LRRC4C: variants seen among roughly 807,000 people sequenced by gnomAD.
The protein encoded by LRRC4C is leucine-rich repeat-containing protein 4C.
In LRRC4C, 5 loss-of-function variants were observed where a neutral mutation model predicts 33.6. The ratio of observed to expected loss-of-function variants is 0.15; its 90% confidence interval spans 0.08 to 0.31. The LOEUF (loss-of-function observed/expected upper bound fraction) is 0.31. Ranked by LOEUF, LRRC4C falls within the 10% of genes least tolerant of loss-of-function variation. LRRC4C has a pLI of 1.00. For synonymous variants in LRRC4C, 329 were observed against 302.0 expected, an observed-to-expected ratio of 1.09 and a Z score of -0.93; for missense variants, 560 against 796.7, an observed-to-expected ratio of 0.70 and a Z score of 3.58.
At chr11:40,867,356 A>G (rs1259063432) in intron 2 of LRRC4C, among the ~76,000 whole-genome samples, 1 of 152,220 alleles carries the variant, frequency 6.6e-6, no homozygotes, top group Non-Finnish European at 1.5e-5. Context: ...TAAGTTAGTC[A>G]AGCCCTACCA....
chr11:40,511,872 G>T (rs1322478044), intron 3 of LRRC4C, among the ~76,000 whole-genome samples: 1 of 152,100 alleles, frequency 6.6e-6, no homozygotes, highest in Non-Finnish European at 1.5e-5. Context: ...AGTAAAATTT[G>T]ATAATACACA....
chr11:40,680,436 C>T (rs1384752084), intron 2 of LRRC4C, among the ~76,000 whole-genome samples: 1 of 152,042 alleles, frequency 6.6e-6, no homozygotes, highest in Non-Finnish European at 1.5e-5. Context: ...TATGGTTTGG[C>T]TCTGTGTCCC....
At chr11:41,381,482 C>T (rs1436923534) in intron 1 of LRRC4C, among the ~76,000 whole-genome samples, 5 of 151,920 alleles carry the variant, frequency 3.3e-5, no homozygotes, top group South Asian at 4.2e-4. Flanking sequence ...AAAAAATAAG[C>T]TGGGCATGGT....
At chr11:40,929,042 A>T (rs962810642) in intron 2 of LRRC4C, among the ~76,000 whole-genome samples, 6 of 152,210 alleles carry the variant, frequency 3.9e-5, no homozygotes, top group Non-Finnish European at 7.3e-5. Flanking sequence ...GTGTTCAGAG[A>T]CTAATTTGTA....
At chr11:40,909,626 A>G (rs1466161381) in intron 2 of LRRC4C, among the ~76,000 whole-genome samples, 1 of 152,090 alleles carries the variant, frequency 6.6e-6, no homozygotes, top group African/African-American at 2.4e-5. Context: ...ATGAGTTATT[A>G]TCTTCTCTTG....
chr11:40,704,427 C>T (rs1334502057), intron 2 of LRRC4C, among the ~76,000 whole-genome samples: 1 of 152,140 alleles, frequency 6.6e-6, no homozygotes, highest in Non-Finnish European at 1.5e-5. Flanking sequence ...TCACTTTTGA[C>T]TTCTTGGTTC....
At chr11:40,803,062 G>T (rs1348707715) in intron 2 of LRRC4C, among the ~76,000 whole-genome samples, 1 of 152,108 alleles carries the variant, frequency 6.6e-6, no homozygotes, top group Non-Finnish European at 1.5e-5. Flanking sequence ...AATTCTAAAG[G>T]AAAAGGAAGA....
At chr11:40,329,152 T>C (rs976109454) in intron 3 of LRRC4C, among the ~76,000 whole-genome samples, 1 of 152,190 alleles carries the variant, frequency 6.6e-6, no homozygotes, top group African/African-American at 2.4e-5. Context: ...ACACTCTCAT[T>C]ATGTATTCTG....
In LRRC4C at chr11:40,783,607, T is replaced by G. The variant is rs562846873; in HGVS notation, c.-406-135329A>C. 9.8e-5 allele frequency among the ~76,000 whole-genome samples: 15 copies of G among 152,294 alleles called. 2 individuals carry two copies. The South Asian group carries it at 3.1e-3, about 32-fold the overall frequency. On this transcript the variant is annotated intron_variant, in intron 2 of 6. Transcript: ENST00000528697. ...GATTACAGACATGAGCCACTCTGCC[T>G]GAGCTACTTTATTTTTAAAATATAA...
chr11:40,429,338 T>C (rs1950829032), intron 3 of LRRC4C, among the ~76,000 whole-genome samples: 1 of 152,190 alleles, frequency 6.6e-6, no homozygotes. Context: ...ACTCCCAAAA[T>C]GCTAGGATTA....
chr11:40,676,835 G>A (rs10768623), intron 2 of LRRC4C, among the ~76,000 whole-genome samples: 60,478 of 151,896 alleles, frequency 0.4, 12,351 homozygotes, highest in East Asian at 0.61. Context: ...TACCAATCCT[G>A]TGCCTGTTAA....
chr11:40,538,672 G>A (rs1956579544), intron 3 of LRRC4C, among the ~76,000 whole-genome samples: 1 of 152,230 alleles, frequency 6.6e-6, no homozygotes, highest in Non-Finnish European at 1.5e-5. Flanking sequence ...GGGTCAAATA[G>A]TATTTCTAGT....
chr11:40,644,509 A>G (rs1942321363), intron 3 of LRRC4C, among the ~76,000 whole-genome samples: 1 of 152,264 alleles, frequency 6.6e-6, no homozygotes, highest in Non-Finnish European at 1.5e-5. Flanking sequence ...GCCCCAAACT[A>G]GAAGCAACCA....
chr11:40,624,145 G>A (rs1962714121), intron 3 of LRRC4C, among the ~76,000 whole-genome samples: 1 of 152,028 alleles, frequency 6.6e-6, no homozygotes, highest in Non-Finnish European at 1.5e-5. Flanking sequence ...TTTGGTCAGT[G>A]TGTTCCACCC....
Position 41,074,658 on chromosome 11 carries a change from G to A in LRRC4C, c.-495-140935C>T, listed in dbSNP as rs75914489. 4.4e-4 allele frequency among the ~76,000 whole-genome samples: 67 copies of A among 152,248 alleles called. No homozygotes were observed. In the East Asian group the frequency reaches 0.011, roughly 25 times the overall value. On this transcript the variant is annotated intron_variant, in intron 1 of 6. Transcript: ENST00000528697. ...ATTGCTACAAAGAACAGGGGAAATA[G>A]GCCATTTTAAGTCTTTTCTGACTTA...
At chr11:40,978,972 C>A (rs963304598) in intron 1 of LRRC4C, among the ~76,000 whole-genome samples, 2 of 151,986 alleles carry the variant, frequency 1.3e-5, no homozygotes, top group African/African-American at 4.8e-5. Context: ...CAGCTTCTTT[C>A]ACATATATGA....
chr11:40,122,284 T>C (rs1202510220), intron 6 of LRRC4C, among the ~76,000 whole-genome samples: 2 of 152,160 alleles, frequency 1.3e-5, no homozygotes. Flanking sequence ...TGGATACATG[T>C]GCAGGACGTG....
chr11:41,384,673 T>G (rs1031971961), intron 1 of LRRC4C, among the ~76,000 whole-genome samples: 2 of 151,290 alleles, frequency 1.3e-5, no homozygotes, highest in Non-Finnish European at 3.0e-5. Flanking sequence ...AGTGCTCATG[T>G]ATTATGTAAT....
At chr11:41,123,295 C>T (rs1269747808) in intron 1 of LRRC4C, among the ~76,000 whole-genome samples, 1 of 100,474 alleles carries the variant, frequency 1.0e-5, no homozygotes, top group Non-Finnish European at 1.8e-5. Flanking sequence ...TTTTTTGAGA[C>T]GGAGTCTCGC....
Sources: allele counts gnomAD v4.1 joint callset (sites outside exome capture counted in the v4.1 genomes callset), GRCh38; gene constraint gnomAD v4.1.1; transcripts MANE v1.5; gene names NCBI Gene and HGNC (gene_info 2026-07-23, HGNC 2026-07-21).